CCDC178: variants seen among roughly 807,000 people sequenced by gnomAD.
CCDC178 encodes the protein coiled-coil domain-containing protein 178.
In CCDC178, 126 loss-of-function variants were observed where a neutral mutation model predicts 117.4. The ratio of observed to expected loss-of-function variants is 1.07; its 90% CI spans 0.93 to 1.24. The LOEUF is 1.24. Ranked by LOEUF, CCDC178 falls within the 50% of genes most tolerant of loss-of-function variation. The pLI is 0.00. For synonymous variants in CCDC178, 283 were observed against 313.4 expected (o/e 0.90, Z 1.02); for missense variants, 1,030 against 986.9 (o/e 1.04, Z -0.59).
chr18:33,211,859 T>C, intron 20 of CCDC178, 37 bp downstream of exon 20: 1 of 1,564,848 alleles, frequency 6.4e-7, no homozygotes, highest in Non-Finnish European at 8.7e-7. Context: ...TATCACTATA[T>C]TCCTTTCATT....
chr18:33,101,610 A>G (rs1206141377), intron 20 of CCDC178, among the ~76,000 whole-genome samples: 2 of 151,936 alleles, frequency 1.3e-5, no homozygotes, highest in African/African-American at 2.4e-5. Flanking sequence ...ATTCCAATAC[A>G]ATAACCACAA....
At chr18:32,944,609 C>A (rs1030181739) in intron 22 of CCDC178, among the ~76,000 whole-genome samples, 2 of 152,146 alleles carry the variant, frequency 1.3e-5, no homozygotes, top group African/African-American at 4.8e-5. Flanking sequence ...TGCGTAGGCA[C>A]CATCTTCATA....
rs367656339 is a variant in CCDC178 at position 33,259,650 on chromosome 18, A to AC, written c.1409+7265dup. On this transcript the variant is annotated intron_variant, in intron 14 of 22. Transcript: ENST00000383096. ...GGAAGTCTGCCCCCATGATTCAATC[A>AC]CCCCCCCCCACCAGTCCCTCTCCCA... Among the ~76,000 whole-genome samples, 944 of 146,194 alleles carry AC rather than the reference A, an allele frequency of 6.5e-3. 8 individuals are homozygous for AC. Among genetic ancestry groups the AC allele is most frequent in the African/African-American group, 0.014 (565 of 39,864 alleles).
At chr18:33,291,509 A>T (rs1290246863) in intron 12 of CCDC178, among the ~76,000 whole-genome samples, 1 of 152,196 alleles carries the variant, frequency 6.6e-6, no homozygotes, top group African/African-American at 2.4e-5. Context: ...AGGTACAATT[A>T]AAAAGCCTTA....
intron 12 of CCDC178, among the ~76,000 whole-genome samples, chr18:33,288,238 C>A (rs1190181054): frequency 7.1e-6 from 1 of 141,170 alleles, no homozygotes; most frequent in Non-Finnish European, 1.6e-5. Context: ...TCCTCCCCTC[C>A]GCTCCCCTCC....
chr18:33,389,617 G>C lies in CCDC178; in HGVS notation c.131C>G (p.Ser44Cys). The stretch of plus-strand genomic sequence containing the variant: ...GGCTCCATATAGAACCAAACTTTGA[G>C]ACATGGCATTGCCTTTTAAAAAGAA... ...WSRTNEGNAM[S>C]QSLVLYGASK... The change falls in exon 5 of 23, where the codon TCT (serine) becomes TGT (cysteine). Residue 44 changes from serine (S) to cysteine (C), a missense_variant. Ser to Cys is a moderately radical substitution (Grantham distance 112, BLOSUM62 -1). Coordinates refer to ENST00000383096, the MANE Select transcript of CCDC178 (RefSeq NM_001105528.4). 1 of 1,492,540 alleles carries C rather than the reference G, an allele frequency of 6.7e-7. No individual in the cohort carries two copies. The highest frequency in any genetic ancestry group is 8.9e-7 in the Non-Finnish European group (1 of 1,122,214). 92.5% of individuals were successfully genotyped at this position (1,492,540 alleles called of 1,614,324 possible). A position where few individuals can be genotyped will look rare whatever the true frequency, so the allele number is the denominator to read the frequency against.
chr18:33,320,250 A>C (rs2062486980), intron 11 of CCDC178, among the ~76,000 whole-genome samples: 1 of 152,228 alleles, frequency 6.6e-6, no homozygotes, highest in South Asian at 2.1e-4. Context: ...CAGGGCAATC[A>C]GGCAGGAGAA....
intron 21 of CCDC178, among the ~76,000 whole-genome samples, chr18:32,998,070 C>A (rs1431237606): frequency 1.3e-5 from 2 of 152,234 alleles, no homozygotes; most frequent in East Asian, 3.9e-4. Flanking sequence ...AAAAAGGCAC[C>A]GAAGATAGTT....
chr18:33,431,191 CTTT>C (rs35139388), intron 2 of CCDC178, among the ~76,000 whole-genome samples: 9 of 117,236 alleles, frequency 7.7e-5, no homozygotes, highest in African/African-American at 1.9e-4. Flanking sequence ...AATGATTTAA[CTTT>C]TTTTTTTTTT....
At chr18:33,438,046 T>C (rs762039227) in intron 2 of CCDC178, among the ~76,000 whole-genome samples, 1 of 152,192 alleles carries the variant, frequency 6.6e-6, no homozygotes, top group Non-Finnish European at 1.5e-5. Flanking sequence ...AAAGGGACTA[T>C]GGCCAGACCA....
intron 20 of CCDC178, among the ~76,000 whole-genome samples, chr18:33,201,284 A>G (rs1320222689): frequency 6.6e-6 from 1 of 152,204 alleles, no homozygotes; most frequent in Admixed American, 6.5e-5. Flanking sequence ...AAATTAAAAC[A>G]TTTACATTCC....
At chr18:33,133,921 A>G (rs1014432742) in intron 20 of CCDC178, among the ~76,000 whole-genome samples, 3 of 151,968 alleles carry the variant, frequency 2.0e-5, no homozygotes, top group African/African-American at 7.2e-5. Flanking sequence ...TTTGAGATAC[A>G]CTTCTGGAAA....
At chr18:33,075,886 T>C (rs1045674552) in intron 21 of CCDC178, among the ~76,000 whole-genome samples, 1 of 152,120 alleles carries the variant, frequency 6.6e-6, no homozygotes, top group South Asian at 2.1e-4. Flanking sequence ...GGAGAATCAC[T>C]TGCTCCCAGG....
intron 9 of CCDC178, among the ~76,000 whole-genome samples, chr18:33,340,818 T>C (rs1002543394): frequency 2.6e-5 from 4 of 152,188 alleles, no homozygotes; most frequent in Non-Finnish European, 5.9e-5. Flanking sequence ...AATGCCTGGA[T>C]GTCCAGGCAA....
At chr18:33,003,369 G>A (rs981189277) in intron 21 of CCDC178, among the ~76,000 whole-genome samples, 2 of 152,120 alleles carry the variant, frequency 1.3e-5, no homozygotes, top group African/African-American at 4.8e-5. Flanking sequence ...AGGGATATAA[G>A]GATGGTTCAA....
At chr18:33,175,731 G>A (rs1293076898) in intron 20 of CCDC178, among the ~76,000 whole-genome samples, 1 of 152,066 alleles carries the variant, frequency 6.6e-6, no homozygotes, top group Admixed American at 6.6e-5. Flanking sequence ...AGAGTTTCAG[G>A]ACTTTAGAAA....
chr18:33,211,957 T>A lies in CCDC178; in HGVS notation c.2177A>T (p.Glu726Val). The A allele has an allele frequency of 6.2e-7, 1 of 1,610,316 alleles. No homozygotes were observed. Among genetic ancestry groups the A allele is most frequent in the Non-Finnish European group, 8.5e-7 (1 of 1,178,112 alleles). Reference sequence around the variant, plus strand: ...GAGCACTCTAAATCTCTGATCTTCCTCAAAGATTCTCTCTTCACAGTCTTT... The same window carrying A: ...GAGCACTCTAAATCTCTGATCTTCCACAAAGATTCTCTCTTCACAGTCTTT... ...EKKDCEERIF[E>V]EDQRFRVLLA... is the part of the protein sequence containing the mutation. Residue 726 changes from glutamate to valine, a missense_variant, in exon 20 of 23, where the codon GAG (glutamate) becomes GTG (valine). Transcript: ENST00000383096.
intron 2 of CCDC178, among the ~76,000 whole-genome samples, chr18:33,418,859 T>G (rs745802266): frequency 3.3e-5 from 5 of 152,196 alleles, no homozygotes; most frequent in Non-Finnish European, 5.9e-5. Context: ...TGGAAAATTA[T>G]TCCATAGTCT....
intron 21 of CCDC178, among the ~76,000 whole-genome samples, chr18:33,066,798 G>A (rs1219260626): frequency 6.6e-6 from 1 of 152,004 alleles, no homozygotes; most frequent in East Asian, 1.9e-4. Context: ...CCATCAAGAG[G>A]ATATCACAAT....
Sources: allele counts gnomAD v4.1 joint callset (sites outside exome capture counted in the v4.1 genomes callset), GRCh38; gene constraint gnomAD v4.1.1; transcripts MANE v1.5; gene names NCBI Gene and HGNC (gene_info 2026-07-23, HGNC 2026-07-21).